NEGR1: variants seen among roughly 807,000 people sequenced by gnomAD.
NEGR1 encodes IgLON family member 4.
Under a neutral mutation model 40.9 loss-of-function variants are expected in NEGR1, and 10 were observed. The ratio of observed to expected loss-of-function variants is 0.24; its 90% CI spans 0.15 to 0.42. The LOEUF is 0.42. Ranked by LOEUF, NEGR1 falls within the 10% of genes least tolerant of loss-of-function variation. The pLI is 1.00. For missense variants in NEGR1, 352 were observed against 438.9 expected (o/e 0.80, Z 1.77); for synonymous variants, 185 against 166.8 (o/e 1.11, Z -0.84).
rs562792337 is a variant in NEGR1, at chr1:71,925,890, G to A, written c.409+9189C>T. Among the ~76,000 whole-genome samples, 4 of 152,266 alleles carry A rather than the reference G, an allele frequency of 2.6e-5. No homozygotes were observed. In the South Asian group the frequency reaches 8.3e-4, roughly 32 times the overall value. ...TTATTTATAGAGAGATTTTCATAGT[G>A]ATAGTGTACATTGCACTGGGATTTG... On this transcript the variant is annotated intron_variant, in intron 2 of 6. Transcript: ENST00000357731.
chr1:71,941,261 A>G (rs1242928686), intron 1 of NEGR1, among the ~76,000 whole-genome samples: 1 of 152,094 alleles, frequency 6.6e-6, no homozygotes, highest in African/African-American at 2.4e-5. Context: ...CAATTTCAAG[A>G]CCAAATGAGG....
intron 2 of NEGR1, among the ~76,000 whole-genome samples, chr1:71,883,417 TA>T (rs1253014835): frequency 6.6e-6 from 1 of 152,026 alleles, no homozygotes; most frequent in Admixed American, 6.6e-5. Context: ...AATAGAAAAA[TA>T]AAAGCCCTGA....
chr1:71,771,762 C>T (rs1367466974), intron 3 of NEGR1, among the ~76,000 whole-genome samples: 1 of 61,216 alleles, frequency 1.6e-5, no homozygotes, highest in Non-Finnish European at 3.8e-5. Flanking sequence ...AATAAACAAA[C>T]AAATAATAAA....
rs372992185 is a variant in NEGR1, at chr1:71,480,510, A to G, written c.941-72940T>C. Among the ~76,000 whole-genome samples the G allele has an allele frequency of 2.0e-5, 3 of 151,892 alleles. No homozygotes were observed. The East Asian group carries it at 5.8e-4, about 30-fold the overall frequency. ...TTTATTGTTTGTCCCCTTCTGCTAG[A>G]AAGGGAGCTCCATGAGGGCATGGAT... On this transcript the variant is annotated intron_variant, in intron 6 of 6. Coordinates refer to ENST00000357731, the MANE Select transcript of NEGR1 (RefSeq NM_173808.3).
chr1:71,926,647 AT>A (rs1337864591), intron 2 of NEGR1, among the ~76,000 whole-genome samples: 2 of 18,398 alleles, frequency 1.1e-4, no homozygotes, highest in Non-Finnish European at 1.9e-4. Flanking sequence ...GGCTATCAAT[AT>A]GATTTTTTTT....
chr1:72,245,653 A>C (rs1361007548), intron 1 of NEGR1, among the ~76,000 whole-genome samples: 1 of 152,192 alleles, frequency 6.6e-6, no homozygotes, highest in African/African-American at 2.4e-5. Context: ...TTCATTTAGA[A>C]GATTCAAACA....
chr1:72,126,995 T>A (rs1650046725), intron 1 of NEGR1, among the ~76,000 whole-genome samples: 1 of 152,236 alleles, frequency 6.6e-6, no homozygotes, highest in Admixed American at 6.5e-5. Flanking sequence ...AGTCACTATC[T>A]GTCTCTCCTC....
intron 2 of NEGR1, among the ~76,000 whole-genome samples, chr1:71,865,395 C>G (rs1181165102): frequency 6.6e-6 from 1 of 152,074 alleles, no homozygotes; most frequent in Non-Finnish European, 1.5e-5. Context: ...CCATGGAATA[C>G]TACGCAGTCA....
At chr1:72,125,736 G>T (rs559405025) in intron 1 of NEGR1, among the ~76,000 whole-genome samples, 2 of 152,162 alleles carry the variant, frequency 1.3e-5, no homozygotes, top group Admixed American at 6.5e-5. Context: ...GAACATTTTT[G>T]TATTTCTCAC....
chr1:71,942,024 C>T (rs1282255060), intron 1 of NEGR1, among the ~76,000 whole-genome samples: 2 of 151,112 alleles, frequency 1.3e-5, no homozygotes, highest in Admixed American at 1.3e-4. Context: ...AAAACATGTA[C>T]ATTTATTTTC....
At chr1:71,972,151 T>C (rs1050049435) in intron 1 of NEGR1, among the ~76,000 whole-genome samples, 3 of 152,240 alleles carry the variant, frequency 2.0e-5, no homozygotes, top group Non-Finnish European at 4.4e-5. Flanking sequence ...TTTCAGCTAA[T>C]GAGTGCCAAA....
At chr1:71,628,789 C>T (rs147993484) in intron 4 of NEGR1, among the ~76,000 whole-genome samples, 26 of 152,174 alleles carry the variant, frequency 1.7e-4, no homozygotes, top group African/African-American at 3.9e-4. Context: ...GTATATATGC[C>T]ACATTTTCTT....
chr1:71,782,435 C>G (rs1338503634), intron 2 of NEGR1, among the ~76,000 whole-genome samples: 3 of 152,126 alleles, frequency 2.0e-5, no homozygotes, highest in African/African-American at 7.2e-5. Flanking sequence ...TAACTCTCTG[C>G]CCCTTTCCAC....
intron 3 of NEGR1, among the ~76,000 whole-genome samples, chr1:71,751,166 T>C (rs1655559130): frequency 6.6e-6 from 1 of 152,074 alleles, no homozygotes; most frequent in Non-Finnish European, 1.5e-5. Context: ...GACTGAGTAA[T>C]TCAGTAGTTT....
At chr1:72,010,232 G>C (rs1266323945) in intron 1 of NEGR1, among the ~76,000 whole-genome samples, 1 of 152,188 alleles carries the variant, frequency 6.6e-6, no homozygotes, top group East Asian at 1.9e-4. Context: ...GCTGTGAAGA[G>C]CTGCTGACAC....
At chr1:71,822,999 C>T (rs921913000) in intron 2 of NEGR1, among the ~76,000 whole-genome samples, 1 of 151,940 alleles carries the variant, frequency 6.6e-6, no homozygotes, top group African/African-American at 2.4e-5. Context: ...AACATGCATT[C>T]AATCAAAGAC....
At chr1:71,507,004 A>G (rs357201) in intron 6 of NEGR1, among the ~76,000 whole-genome samples, 96,523 of 151,956 alleles carry the variant, frequency 0.64, 31,111 homozygotes, top group Middle Eastern at 0.72. Flanking sequence ...ATGGAGTGGT[A>G]CACACTTAAA....
At chr1:71,651,501 C>A (rs1430174816) in intron 4 of NEGR1, among the ~76,000 whole-genome samples, 1 of 152,044 alleles carries the variant, frequency 6.6e-6, no homozygotes, top group Non-Finnish European at 1.5e-5. Context: ...CCATTAAAAC[C>A]TTGCTTCTCT....
chr1:72,111,713 T>G (rs550941089), intron 1 of NEGR1, among the ~76,000 whole-genome samples: 28 of 151,830 alleles, frequency 1.8e-4, no homozygotes, highest in Non-Finnish European at 3.2e-4. Flanking sequence ...TAGTTTGCAG[T>G]CATGGAAACG....
Sources: gnomAD v4.1 joint callset for allele counts (sites outside exome capture counted in the v4.1 genomes callset) on GRCh38, gnomAD v4.1.1 for gene constraint, MANE v1.5 for transcripts, NCBI Gene and HGNC (gene_info 2026-07-23, HGNC 2026-07-21) for gene names.